The following GPHN variants were observed in gnomAD, a reference collection of about 807,000 sequenced individuals.
GPHN encodes the protein gephyrin.
Under a neutral mutation model 95.5 loss-of-function variants are expected in GPHN, and 17 were observed. The ratio of observed to expected loss-of-function variants is 0.18; its 90% CI spans 0.12 to 0.27. The LOEUF (loss-of-function observed/expected upper bound fraction) is 0.27, where lower values mean the gene tolerates loss of function less well. Ranked by LOEUF, GPHN falls within the 10% of genes least tolerant of loss-of-function variation. The pLI, the probability that GPHN is intolerant of heterozygous loss-of-function variation, is 1.00. For synonymous variants in GPHN, 320 were observed against 322.5 expected, an observed-to-expected ratio of 0.99 and a Z score of 0.08; for missense variants, 660 against 978.1, an observed-to-expected ratio of 0.67 and a Z score of 4.34.
chr14:67,193,595 ATATC>A, the GPHN span, among the ~76,000 whole-genome samples: 1 of 144,406 alleles, frequency 6.9e-6, no homozygotes, highest in Non-Finnish European at 1.5e-5. Flanking sequence ...ATATAGATAT[ATATC>A]TATAGATATA....
chr14:66,843,322 G>T (rs1290317791), intron 4 of GPHN, among the ~76,000 whole-genome samples: 5 of 152,134 alleles, frequency 3.3e-5, no homozygotes, highest in Admixed American at 2.6e-4. Context: ...CCTAACAAGT[G>T]CTATGCCATC....
the GPHN span, chr14:67,692,321 G>T: frequency 2.1e-5 from 22 of 1,069,684 alleles, no homozygotes; most frequent in African/African-American, 1.5e-4. Flanking sequence ...AGCTACAGAA[G>T]TTTTTGGCTA....
At chr14:67,324,986 G>C in the GPHN span, among the ~76,000 whole-genome samples, 3 of 139,184 alleles carry the variant, frequency 2.2e-5, no homozygotes, top group Non-Finnish European at 4.5e-5. Flanking sequence ...CTGACTGCAA[G>C]CTCCGCCTCC....
chr14:66,798,505 C>G (rs1241508731), intron 3 of GPHN, among the ~76,000 whole-genome samples: 1 of 151,742 alleles, frequency 6.6e-6, no homozygotes, highest in Non-Finnish European at 1.5e-5. Flanking sequence ...TTGCTCTATT[C>G]AGGTTTTAGA....
At chr14:67,225,787 C>G in the GPHN span, among the ~76,000 whole-genome samples, 1 of 152,142 alleles carries the variant, frequency 6.6e-6, no homozygotes, top group East Asian at 1.9e-4. Context: ...TTCGAAACAC[C>G]AGCTCTGCAG....
the GPHN span, chr14:67,592,399 C>T: frequency 2.0e-6 from 1 of 492,300 alleles, no homozygotes; most frequent in South Asian, 2.3e-5. Context: ...GTGATTGTCA[C>T]TGCACTCCAG....
At chr14:66,977,517 G>A (rs1246487451) in intron 9 of GPHN, among the ~76,000 whole-genome samples, 1 of 151,996 alleles carries the variant, frequency 6.6e-6, no homozygotes, top group East Asian at 1.9e-4. Context: ...CTCAAACTAT[G>A]TACAGGAATT....
intron 1 of GPHN, among the ~76,000 whole-genome samples, chr14:66,672,672 C>T (rs1157411462): frequency 6.6e-6 from 1 of 152,106 alleles, no homozygotes; most frequent in East Asian, 1.9e-4. Flanking sequence ...CTCTTTATTC[C>T]TGAAAACTTT....
chr14:67,577,936 T>C, the GPHN span: 5 of 1,257,666 alleles, frequency 4.0e-6, no homozygotes, highest in Non-Finnish European at 5.7e-6. Context: ...CTAACCTCCC[T>C]GGAGCCCTTG....
At chr14:67,387,366 C>T in the GPHN span, 6 of 1,610,740 alleles carry the variant, frequency 3.7e-6, no homozygotes, top group African/African-American at 2.7e-5. Context: ...CCACTCGGCT[C>T]GCTCAGCCTT....
the GPHN span, chr14:67,562,615 C>A: frequency 1.2e-6 from 2 of 1,612,896 alleles, no homozygotes; most frequent in South Asian, 2.2e-5. Context: ...TCCAGTTGGC[C>A]AAAAGGCACC....
chr14:66,950,115 T>A (rs1419007511), intron 8 of GPHN, among the ~76,000 whole-genome samples: 2 of 151,950 alleles, frequency 1.3e-5, no homozygotes, highest in African/African-American at 2.4e-5. Flanking sequence ...TAATTCACAG[T>A]CAAAATTACA....
chr14:67,044,855 T>TGTCTGTCTCG (rs1340729422), intron 10 of GPHN, among the ~76,000 whole-genome samples: 65 of 152,122 alleles, frequency 4.3e-4, no homozygotes, highest in African/African-American at 1.5e-3. Flanking sequence ...TGTCTGTCTC[T>TGTCTGTCTCG]GTCTCTCTCT....
chr14:67,486,569 G>A, the GPHN span, among the ~76,000 whole-genome samples: 6 of 152,260 alleles, frequency 3.9e-5, no homozygotes, highest in South Asian at 4.2e-4. Context: ...CACAGTGCCC[G>A]GCTGATCTGA....
intron 20 of GPHN, among the ~76,000 whole-genome samples, chr14:67,165,953 T>C (rs1752441532): frequency 6.6e-6 from 1 of 152,006 alleles, no homozygotes; most frequent in Non-Finnish European, 1.5e-5. Context: ...ATTGTGCATC[T>C]TTTTTTTAAC....
At chr14:67,441,639 T>A in the GPHN span, among the ~76,000 whole-genome samples, 2 of 152,270 alleles carry the variant, frequency 1.3e-5, no homozygotes, top group African/African-American at 4.8e-5. Flanking sequence ...GATTACTATT[T>A]GAATCAATAG....
At chr14:66,735,272 T>C (rs2072157437) in intron 2 of GPHN, among the ~76,000 whole-genome samples, 1 of 152,148 alleles carries the variant, frequency 6.6e-6, no homozygotes. Flanking sequence ...TAGTTCGCAG[T>C]TTCAGTGTTA....
At chr14:67,345,309 C>G in the GPHN span, among the ~76,000 whole-genome samples, 2 of 151,896 alleles carry the variant, frequency 1.3e-5, no homozygotes, top group Admixed American at 1.3e-4. Context: ...GTAATCCTAG[C>G]ACTTTGGGAG....
chr14:67,693,857 G>C, the GPHN span, among the ~76,000 whole-genome samples: 1 of 152,016 alleles, frequency 6.6e-6, no homozygotes, highest in Non-Finnish European at 1.5e-5. Context: ...CACCACGCTG[G>C]CCAGGATGGT....
Sources: gnomAD v4.1 joint callset for allele counts (sites outside exome capture counted in the v4.1 genomes callset) on GRCh38, gnomAD v4.1.1 for gene constraint, MANE v1.5 for transcripts, NCBI Gene and HGNC (gene_info 2026-07-23, HGNC 2026-07-21) for gene names.